Variants in OSBPL1A observed in about 807,000 individuals in gnomAD.
OSBPL1A encodes the protein oxysterol binding protein like 1A, also known as oxysterol-binding protein-related protein 1.
OSBPL1A carries 80 observed loss-of-function variants against 137.1 expected under a neutral mutation model. The observed-to-expected ratio is 0.58, with a 90% CI of 0.49 to 0.70. OSBPL1A has a LOEUF of 0.70. Ranked by LOEUF, OSBPL1A falls within the 30% of genes least tolerant of loss-of-function variation. OSBPL1A has a pLI of 0.00. For synonymous variants in OSBPL1A, 365 were observed against 389.7 expected (o/e 0.94, Z 0.75); for missense variants, 970 against 1,129.4 (o/e 0.86, Z 2.02).
chr18:24,396,596 G>GCC (rs1212469516), intron 1 of OSBPL1A, among the ~76,000 whole-genome samples: 4 of 150,604 alleles, frequency 2.7e-5, no homozygotes, highest in Non-Finnish European at 4.4e-5. Flanking sequence ...TGTAGACAAA[G>GCC]CCCACCTAGT....
chr18:24,388,079 G>A lies in OSBPL1A; in HGVS notation c.-3+9576C>T, dbSNP rs561186076. Among the ~76,000 whole-genome samples the A allele has an allele frequency of 2.2e-4, 34 of 152,264 alleles. No homozygotes were observed. In the South Asian group the frequency reaches 7.0e-3, roughly 32 times the overall value. On this transcript the variant is annotated intron_variant, in intron 1 of 27. Transcript: ENST00000319481. The stretch of plus-strand genomic sequence containing the variant: ...TTTAAATGTTATAAGGAAGACAAGT[G>A]TACAAATAAACTACTATCCACATTT...
chr18:24,250,946 G>GTGA (rs1166756144), intron 15 of OSBPL1A, among the ~76,000 whole-genome samples: 3 of 152,204 alleles, frequency 2.0e-5, no homozygotes, highest in Non-Finnish European at 4.4e-5. Context: ...TGGGCTTTAA[G>GTGA]TGAACATCAG....
chr18:24,319,981 C>CAA (rs56140141), intron 7 of OSBPL1A, among the ~76,000 whole-genome samples: 15,246 of 77,228 alleles, frequency 0.2, 962 homozygotes, highest in Middle Eastern at 0.29. Flanking sequence ...CTTATCTCTA[C>CAA]AAAAAAAAAA....
chr18:24,192,698 C>T (rs2086919933), intron 18 of OSBPL1A, among the ~76,000 whole-genome samples: 2 of 152,194 alleles, frequency 1.3e-5, no homozygotes, highest in South Asian at 2.1e-4. Context: ...GCTGCAGACA[C>T]GGGGGGCCAA....
intron 17 of OSBPL1A, among the ~76,000 whole-genome samples, chr18:24,203,994 T>G (rs988065994): frequency 1.3e-5 from 2 of 152,226 alleles, no homozygotes; most frequent in African/African-American, 4.8e-5. Flanking sequence ...AACAAAAATA[T>G]TTCGATATAT....
At chr18:24,224,734 G>A (rs1211091490) in intron 17 of OSBPL1A, among the ~76,000 whole-genome samples, 1 of 152,190 alleles carries the variant, frequency 6.6e-6, no homozygotes, top group Admixed American at 6.5e-5. Flanking sequence ...TGTATGATGA[G>A]AAAGGGCACA....
chr18:24,376,865 C>G (rs536154140), intron 2 of OSBPL1A, among the ~76,000 whole-genome samples: 2 of 152,250 alleles, frequency 1.3e-5, no homozygotes, highest in Non-Finnish European at 2.9e-5. Flanking sequence ...GGCCGGCCGG[C>G]TGCTCCCAGT....
chr18:24,210,905 T>A (rs769553649), intron 17 of OSBPL1A, among the ~76,000 whole-genome samples: 2 of 152,238 alleles, frequency 1.3e-5, no homozygotes, highest in Non-Finnish European at 2.9e-5. Context: ...AAATAATTTC[T>A]TGACTTATTA....
At chr18:24,280,794 T>G (rs763918727) in intron 15 of OSBPL1A, 48 bp downstream of exon 15, 1 of 1,335,006 alleles carries the variant, frequency 7.5e-7, no homozygotes, top group Non-Finnish European at 1.0e-6. Flanking sequence ...CAACCACGCA[T>G]GCAACATCCA....
At chr18:24,168,423 C>A (rs551619605) in intron 24 of OSBPL1A, among the ~76,000 whole-genome samples, 3 of 152,312 alleles carry the variant, frequency 2.0e-5, no homozygotes, top group African/African-American at 7.2e-5. Flanking sequence ...CTGAATGCAT[C>A]TGATGAAAAG....
chr18:24,321,668 T>G, intron 7 of OSBPL1A: 1 of 521,970 alleles, frequency 1.9e-6, no homozygotes, highest in Non-Finnish European at 3.9e-6. Flanking sequence ...TATGTATGAA[T>G]AAAATGGCAT....
intron 15 of OSBPL1A, among the ~76,000 whole-genome samples, chr18:24,279,212 C>T (rs553807166): frequency 7.0e-6 from 1 of 142,650 alleles, no homozygotes; most frequent in African/African-American, 2.6e-5. Context: ...TCTAGGAGTT[C>T]AGGACCAACC....
chr18:24,313,975 C>T (rs569072230), intron 12 of OSBPL1A, among the ~76,000 whole-genome samples: 2 of 152,072 alleles, frequency 1.3e-5, no homozygotes, highest in South Asian at 2.1e-4. Context: ...CGTATTGGCA[C>T]GTGCCTGTAG....
intron 27 of OSBPL1A, 143 bp downstream of exon 27, chr18:24,164,922 T>C: frequency 1.3e-6 from 1 of 775,916 alleles, no homozygotes; most frequent in Non-Finnish European, 2.1e-6. Context: ...TGGAAATAAC[T>C]TTTTTTCAGG....
At chr18:24,387,763 G>A (rs1297129200) in intron 1 of OSBPL1A, among the ~76,000 whole-genome samples, 3 of 151,708 alleles carry the variant, frequency 2.0e-5, no homozygotes, top group African/African-American at 4.8e-5. Flanking sequence ...TGGACTGAAA[G>A]TCCACTGCTG....
At position 24,178,187 on chromosome 18, in the gene OSBPL1A, A is replaced by G; in HGVS notation, c.1919T>C (p.Leu640Pro). 6.5e-7 allele frequency: 1 copy of G among 1,549,766 alleles called. No individual in the cohort carries two copies. ...CTGTTCGGAGATGAGTCTAAATCCA[A>G]GGTCATCTCTTAAGATTTAAAAAAA... ...GETYELVRDD[L>P]GFRLISEQVS... The change falls in exon 21 of 28, where the codon CTT becomes CCT. Residue 640 changes from leucine (L) to proline (P), a missense_variant. This residue lies in a region of OSBPL1A where 323 missense variants were observed against 456.8 expected (regional missense o/e 0.71). Transcript: ENST00000319481.
intron 1 of OSBPL1A, among the ~76,000 whole-genome samples, chr18:24,394,557 T>C (rs1294057991): frequency 6.6e-6 from 1 of 152,306 alleles, no homozygotes; most frequent in East Asian, 1.9e-4. Flanking sequence ...AAATCAAGTT[T>C]AGTAATAAAA....
chr18:24,272,657 C>T (rs1266613033), intron 15 of OSBPL1A, among the ~76,000 whole-genome samples: 1 of 152,180 alleles, frequency 6.6e-6, no homozygotes, highest in Non-Finnish European at 1.5e-5. Context: ...TCAAACCTTT[C>T]ACCTTACTAA....
At chr18:24,367,665 A>T (rs1259982913) in intron 3 of OSBPL1A, 2 of 150,748 alleles carry the variant, frequency 1.3e-5, no homozygotes. Context: ...AAAAAAAAAA[A>T]TCCATACACC....
Sources: allele counts gnomAD v4.1 joint callset (sites outside exome capture counted in the v4.1 genomes callset), GRCh38; gene constraint gnomAD v4.1.1; regional missense constraint gnomAD v4.1.1; transcripts MANE v1.5; gene names NCBI Gene and HGNC (gene_info 2026-07-23, HGNC 2026-07-21).